Variants in IL16 observed in about 807,000 individuals in gnomAD.
The protein encoded by IL16 is pro-interleukin-16.
A neutral mutation model predicts 110.1 loss-of-function variants in IL16; 67 were observed. The ratio of observed to expected loss-of-function variants is 0.61; its 90% CI spans 0.50 to 0.75. IL16 has a LOEUF of 0.75. IL16 is among the 30% of genes least tolerant of loss of function. IL16 has a pLI of 0.00. For missense variants in IL16, 1,545 were observed against 1,655.0 expected (o/e 0.93, Z 1.15); for synonymous variants, 689 against 662.9 (o/e 1.04, Z -0.61).
intron 2 of IL16, among the ~76,000 whole-genome samples, chr15:81,234,177 C>T (rs1897107513): frequency 6.6e-6 from 1 of 151,996 alleles, no homozygotes; most frequent in South Asian, 2.1e-4. Context: ...ATATCACATG[C>T]AAGCATCATA....
chr15:81,192,583 G>T (rs1301792782), upstream of IL16, among the ~76,000 whole-genome samples: 1 of 152,180 alleles, frequency 6.6e-6, no homozygotes, highest in African/African-American at 2.4e-5. Flanking sequence ...CCTGCAGCCT[G>T]GGCCACAGAG....
intron 5 of IL16, among the ~76,000 whole-genome samples, chr15:81,272,279 T>C (rs1898675755): frequency 6.6e-6 from 1 of 152,238 alleles, no homozygotes; most frequent in Non-Finnish European, 1.5e-5. Flanking sequence ...GCTTTTCAGG[T>C]CTGCCAGGCC....
intron 16 of IL16, 82 bp from the exon 17 acceptor site, chr15:81,305,826 C>A (rs926543732): frequency 1.4e-5 from 21 of 1,525,138 alleles, no homozygotes; most frequent in Middle Eastern, 3.5e-4. Context: ...CTAGCATTGA[C>A]TAACCGGTTC....
chr15:81,239,572 G>A (rs554673156), intron 2 of IL16, among the ~76,000 whole-genome samples: 2 of 152,338 alleles, frequency 1.3e-5, no homozygotes, highest in South Asian at 4.1e-4. Flanking sequence ...TGCCCCTGAA[G>A]ATGAACTGGA....
chr15:81,280,634 A>T (rs920558181), intron 8 of IL16, among the ~76,000 whole-genome samples: 3 of 152,190 alleles, frequency 2.0e-5, no homozygotes, highest in Non-Finnish European at 4.4e-5. Flanking sequence ...AGAGAAGAGG[A>T]TGGGCTTGAG....
chr15:81,222,302 G>A lies in IL16; in HGVS notation c.-101-2997G>A, dbSNP rs1055674070. Among the ~76,000 whole-genome samples the A allele has an allele frequency of 6.6e-5, 10 of 151,840 alleles. No homozygotes were observed. In the South Asian group the frequency reaches 8.3e-4, roughly 13 times the overall value. ...ATAAGAGAGTTTCAAAAACCCTCTC[G>A]GCCCTTGGATGTCACTGTTTTCCAT... is the stretch of plus-strand genomic sequence containing the variant. On this transcript the variant is annotated intron_variant, in intron 1 of 18. Coordinates refer to ENST00000683961, the MANE Select transcript of IL16 (RefSeq NM_172217.5).
chr15:81,182,773 C>G (rs1025469612), exon 1 of IL16: 3 of 768,424 alleles, frequency 3.9e-6, no homozygotes, highest in Admixed American at 4.7e-5. Context: ...AGCCGAGAAG[C>G]TGCCATCGAT....
chr15:81,294,438 G>T (rs1567041627), intron 12 of IL16, among the ~76,000 whole-genome samples: 1 of 152,188 alleles, frequency 6.6e-6, no homozygotes, highest in Non-Finnish European at 1.5e-5. Flanking sequence ...GCCACAGCAG[G>T]TCTGTCCCAG....
At chr15:81,297,721 A>G (rs1900058416) in intron 13 of IL16, among the ~76,000 whole-genome samples, 1 of 152,132 alleles carries the variant, frequency 6.6e-6, no homozygotes, top group Non-Finnish European at 1.5e-5. Flanking sequence ...GTAGACCCCA[A>G]GCATATGATG....
At chr15:81,254,646 A>C (rs1448698884) in intron 2 of IL16, among the ~76,000 whole-genome samples, 7 of 152,128 alleles carry the variant, frequency 4.6e-5, no homozygotes, top group African/African-American at 1.7e-4. Context: ...TGTGTTTAGA[A>C]ATGATTTTGA....
chr15:81,236,934 G>A (rs1352562308), intron 2 of IL16, among the ~76,000 whole-genome samples: 1 of 152,152 alleles, frequency 6.6e-6, no homozygotes, highest in Non-Finnish European at 1.5e-5. Flanking sequence ...ACTCCAGCCT[G>A]GGTAACAGAG....
rs1005439104 is a variant in IL16 at position 81,249,409 on chromosome 15, AT to A, written c.313-10353del. 1.2e-4 allele frequency among the ~76,000 whole-genome samples: 18 copies of A among 149,212 alleles called. No individual in the cohort carries two copies. In the South Asian group the frequency reaches 1.9e-3, roughly 16 times the overall value. ...TATATTGGTGGCAAACTCCCTTGGG[AT>A]TTTTTTTTTCTGTCTGTAAAGACCT... On this transcript the variant is annotated intron_variant, in intron 2 of 18. Coordinates refer to ENST00000683961, the MANE Select transcript of IL16 (RefSeq NM_172217.5).
chr15:81,251,435 T>G (rs1470891530), intron 2 of IL16, among the ~76,000 whole-genome samples: 3 of 152,146 alleles, frequency 2.0e-5, no homozygotes, highest in African/African-American at 7.2e-5. Context: ...TTCCTTTTAT[T>G]TAGCAGAAGG....
intron 1 of IL16, among the ~76,000 whole-genome samples, chr15:81,183,961 T>C (rs1293189896): frequency 1.3e-5 from 2 of 152,224 alleles, no homozygotes; most frequent in Non-Finnish European, 2.9e-5. Flanking sequence ...TCAGAGGATA[T>C]GTCAGCTCTC....
At chr15:81,210,005 T>A (rs2141987157) in intron 1 of IL16, among the ~76,000 whole-genome samples, 1 of 152,342 alleles carries the variant, frequency 6.6e-6, no homozygotes, top group Admixed American at 6.5e-5. Flanking sequence ...TGAGATCTTA[T>A]ATTTACGCCT....
intron 1 of IL16, among the ~76,000 whole-genome samples, chr15:81,189,303 T>C (rs1191850214): frequency 1.3e-5 from 2 of 152,040 alleles, no homozygotes; most frequent in African/African-American, 4.8e-5. Context: ...TTTGTATTTT[T>C]AGTACAGACA....
In IL16 at chr15:81,269,541, A is replaced by G; in HGVS notation, c.568A>G (p.Thr190Ala). ...CTACTCTGGTTCCTTGTTGCAGGGA[A>G]CTTCGAGACCAACACGGTCCCTGAG... ...LDCPAGKAAG[T>A]SRPTRSLSTA... Residue 190 changes from threonine to alanine, a missense_variant, in exon 5 of 19, where the codon ACT (threonine) becomes GCT (alanine). Physicochemically the swap from Thr to Ala is moderately conservative, Grantham distance 58 (BLOSUM62 0). Coordinates refer to ENST00000683961, the MANE Select transcript of IL16 (RefSeq NM_172217.5). 6.2e-7 allele frequency: 1 copy of G among 1,612,608 alleles called. No individual in the cohort carries two copies. Among genetic ancestry groups the G allele is most frequent in the Non-Finnish European group, 8.5e-7 (1 of 1,178,776 alleles).
rs1216604710 is a variant in IL16, at chr15:81,210,913, CTT to C, written c.-102+13762_-102+13763del. ...GAGTGGTGAGAGTGGGCATCCTTGT[CTT>C]ATTCCAATCCTCAAGGGGAATGGTT... On this transcript the variant is annotated intron_variant, in intron 1 of 18. Transcript: ENST00000683961. Among the ~76,000 whole-genome samples the C allele has an allele frequency of 2.0e-4, 30 of 152,300 alleles. 1 individual carries two copies. In the South Asian group the frequency reaches 6.0e-3, roughly 31 times the overall value.
At chr15:81,200,933 A>G (rs1225463114) in intron 1 of IL16, among the ~76,000 whole-genome samples, 9 of 152,190 alleles carry the variant, frequency 5.9e-5, no homozygotes, top group Non-Finnish European at 1.3e-4. Context: ...GAAGGTGGAC[A>G]GGTGGCCCAG....
Sources: allele counts gnomAD v4.1 joint callset (sites outside exome capture counted in the v4.1 genomes callset), GRCh38; gene constraint gnomAD v4.1.1; transcripts MANE v1.5; gene names NCBI Gene and HGNC (gene_info 2026-07-23, HGNC 2026-07-21).